The following NAPEPLD variants were observed in gnomAD, a reference collection of about 807,000 sequenced individuals.
NAPEPLD encodes N-acyl phosphatidylethanolamine phospholipase D, also known as N-acyl-phosphatidylethanolamine-hydrolyzing phospholipase D.
A neutral mutation model predicts 38.1 loss-of-function variants in NAPEPLD; 23 were observed. That is an observed-to-expected ratio of 0.60 (90% CI 0.43 to 0.86). The LOEUF (loss-of-function observed/expected upper bound fraction) is 0.86, where lower values mean the gene tolerates loss of function less well. NAPEPLD is among the 40% of genes least tolerant of loss of function. The probability of loss-of-function intolerance (pLI) is 0.00; values close to 1 mark genes in which losing one functional copy is unlikely to be tolerated. For synonymous variants in NAPEPLD, 147 were observed against 162.0 expected, an observed-to-expected ratio of 0.91 and a Z score of 0.71; for missense variants, 411 against 476.8, an observed-to-expected ratio of 0.86 and a Z score of 1.28.
intron 1 of NAPEPLD, chr7:103,142,004 C>T (rs981780926): frequency 1.5e-6 from 1 of 645,490 alleles, no homozygotes; most frequent in South Asian, 1.8e-5. Context: ...ACACCAGAGG[C>T]TACTGAATCA....
intron 4 of NAPEPLD, among the ~76,000 whole-genome samples, chr7:103,111,693 G>A (rs1230487264): frequency 6.6e-6 from 1 of 152,168 alleles, no homozygotes; most frequent in Non-Finnish European, 1.5e-5. Context: ...TCAGGACATG[G>A]GCATGGGCAA....
rs890038905 is a variant in NAPEPLD, at chr7:103,102,893, T to C, written c.*536A>G. The C allele has an allele frequency of 6.6e-6, 1 of 152,668 alleles. No homozygotes were observed. The highest frequency in any genetic ancestry group is 2.4e-5 in the African/African-American group (1 of 41,466). The allele number at this position is 152,668 out of a possible 1,614,324, so 9.5% of individuals were successfully genotyped here. A position where few individuals can be genotyped will look rare whatever the true frequency, so the allele number is the denominator to read the frequency against. On this transcript the variant is annotated 3_prime_UTR_variant, in exon 5 of 5. Coordinates refer to ENST00000465647, the MANE Select transcript of NAPEPLD (RefSeq NM_001122838.3). ...TTACCTAAATAAACCATATTTAATA[T>C]TTGGCATATAAGCTAATTTGATAGA...
intron 4 of NAPEPLD, among the ~76,000 whole-genome samples, chr7:103,107,019 C>T (rs979748634): frequency 2.6e-5 from 4 of 152,288 alleles, no homozygotes; most frequent in African/African-American, 7.2e-5. Context: ...TGGCATCTGA[C>T]GGGTGCCCTT....
At chr7:103,138,043 T>C (rs986440474) in intron 1 of NAPEPLD, among the ~76,000 whole-genome samples, 3 of 150,046 alleles carry the variant, frequency 2.0e-5, no homozygotes, top group Non-Finnish European at 4.4e-5. Flanking sequence ...AATGGTGCAA[T>C]CTCGGCTCAC....
intron 4 of NAPEPLD, 88 bp from the exon 5 acceptor site, chr7:103,103,642 A>C: frequency 1.5e-6 from 2 of 1,347,206 alleles, no homozygotes; most frequent in Non-Finnish European, 2.0e-6. Flanking sequence ...AAAATAACCA[A>C]CAGATGCCTA....
chr7:103,149,271 G>A (rs1813252967), upstream of NAPEPLD: 1 of 1,033,796 alleles, frequency 9.7e-7, no homozygotes, highest in South Asian at 3.0e-5. Flanking sequence ...GCGGGGGTGC[G>A]GACTCACCTC....
At chr7:103,127,952 A>G (rs1808167392) in intron 2 of NAPEPLD, 1 of 153,120 alleles carries the variant, frequency 6.5e-6, no homozygotes, top group South Asian at 2.1e-4. Context: ...CCTAAAGTCA[A>G]CTTTTCAAGG....
chr7:103,103,634 A>G, intron 4 of NAPEPLD, 80 bp from the exon 5 acceptor site: 1 of 1,429,674 alleles, frequency 7.0e-7, no homozygotes, highest in Non-Finnish European at 9.4e-7. Flanking sequence ...TTCAAACTAA[A>G]ATAACCAACA....
rs915959448 is a variant in NAPEPLD at position 103,149,017 on chromosome 7, G to A, written c.-223C>T. On this transcript the variant is annotated 5_prime_UTR_variant, in exon 1 of 5. Coordinates refer to ENST00000465647, the MANE Select transcript of NAPEPLD (RefSeq NM_001122838.3). Reference sequence around the variant, plus strand: ...CACAAGTGCGGCATCTCCGAGATGAGGGAGGGCTCGGGGACGGGAAACCCA... The same window carrying A: ...CACAAGTGCGGCATCTCCGAGATGAAGGAGGGCTCGGGGACGGGAAACCCA... The A allele has an allele frequency of 4.1e-6, 4 of 985,316 alleles. No homozygotes were observed. The highest frequency in any genetic ancestry group is 6.1e-5 in the Admixed American group (1 of 16,268). The allele number at this position is 985,316 out of a possible 1,614,324, so 61.0% of individuals were successfully genotyped here.
intron 4 of NAPEPLD, among the ~76,000 whole-genome samples, chr7:103,111,802 AT>A (rs1649688468): frequency 6.6e-6 from 1 of 152,358 alleles, no homozygotes; most frequent in South Asian, 2.1e-4. Context: ...AAAAAAAATT[AT>A]CAGCAGAATG....
At chr7:103,126,341 C>T (rs1295071628) in intron 2 of NAPEPLD, among the ~76,000 whole-genome samples, 1 of 152,206 alleles carries the variant, frequency 6.6e-6, no homozygotes, top group African/African-American at 2.4e-5. Flanking sequence ...CAAAAATCTG[C>T]ACTCAATCAA....
intron 4 of NAPEPLD, among the ~76,000 whole-genome samples, chr7:103,105,194 G>C (rs1298843211): frequency 6.6e-6 from 1 of 152,106 alleles, no homozygotes; most frequent in Non-Finnish European, 1.5e-5. Flanking sequence ...GTCCAGAAGG[G>C]AGATAAAAAT....
chr7:103,115,122 T>C lies in NAPEPLD; in HGVS notation c.994A>G (p.Thr332Ala). The C allele has an allele frequency of 1.2e-6, 2 of 1,614,058 alleles. No individual in the cohort carries two copies. Among genetic ancestry groups the C allele is most frequent in the Non-Finnish European group, 1.7e-6 (2 of 1,179,962 alleles). ...ATAGATTTCTTTGTTTGGACATCAG[T>C]GTGAATCCTTACAGCTTCTTCTGGG... is the stretch of plus-strand genomic sequence containing the variant. ...VDPEEAVRIH[T>A]DVQTKKSMAI... The change falls in exon 4 of 5, where the codon ACT becomes GCT. Residue 332 changes from threonine to alanine, a missense_variant. By Grantham distance (58) the Thr-to-Ala change is moderately conservative. Transcript: ENST00000465647.
chr7:103,147,146 C>T (rs1357008412), intron 1 of NAPEPLD, among the ~76,000 whole-genome samples: 1 of 152,118 alleles, frequency 6.6e-6, no homozygotes, highest in East Asian at 1.9e-4. Context: ...ACAAATCAAG[C>T]AAAGCACTAT....
chr7:103,111,791 C>CA (rs986862053), intron 4 of NAPEPLD, among the ~76,000 whole-genome samples: 22 of 151,494 alleles, frequency 1.5e-4, no homozygotes, highest in Non-Finnish European at 2.9e-4. Context: ...TTCTGCACAG[C>CA]AAAAAAAATT....
At chr7:103,136,043 T>C (rs1253602343) in intron 1 of NAPEPLD, among the ~76,000 whole-genome samples, 1 of 151,896 alleles carries the variant, frequency 6.6e-6, no homozygotes, top group Admixed American at 6.6e-5. Context: ...CCCAATACTT[T>C]GGGAGGCCAA....
intron 1 of NAPEPLD, among the ~76,000 whole-genome samples, chr7:103,139,575 A>C (rs2129535095): frequency 6.6e-6 from 1 of 152,346 alleles, no homozygotes; most frequent in East Asian, 1.9e-4. Flanking sequence ...GAATTCAGCC[A>C]ACAAGTTAAA....
intron 4 of NAPEPLD, among the ~76,000 whole-genome samples, chr7:103,111,058 T>G (rs1804424513): frequency 6.6e-6 from 1 of 152,202 alleles, no homozygotes; most frequent in Admixed American, 6.5e-5. Context: ...ACAAGGGATG[T>G]GAAGGACCTC....
chr7:103,114,958 A>G lies in NAPEPLD; in HGVS notation c.1056+102T>C. On this transcript the variant is annotated intron_variant, in intron 4 of 4. Coordinates refer to ENST00000465647, the MANE Select transcript of NAPEPLD (RefSeq NM_001122838.3). ...GCAGTGACTGTGATGACTGTGCAGTATCTGATTCCAGAGTCTTGGGTCTGA... is the reference window on the plus strand; with the variant it reads ...GCAGTGACTGTGATGACTGTGCAGTGTCTGATTCCAGAGTCTTGGGTCTGA... 3.8e-6 allele frequency: 3 copies of G among 790,448 alleles called. No individual in the cohort carries two copies. In the South Asian group the frequency reaches 5.0e-5, roughly 13 times the overall value. 49.0% of individuals were successfully genotyped at this position (790,448 alleles called of 1,614,324 possible). A position where few individuals can be genotyped will look rare whatever the true frequency, so the allele number is the denominator to read the frequency against.
Sources: allele counts gnomAD v4.1 joint callset (sites outside exome capture counted in the v4.1 genomes callset), GRCh38; gene constraint gnomAD v4.1.1; transcripts MANE v1.5; gene names NCBI Gene and HGNC (gene_info 2026-07-23, HGNC 2026-07-21).